DCHS2: variants seen among roughly 807,000 people sequenced by gnomAD.
DCHS2 encodes dachsous cadherin-related 2.
DCHS2 carries 142 observed loss-of-function variants against 182.4 expected under a neutral mutation model. The observed-to-expected ratio is 0.78, with a 90% CI of 0.68 to 0.89. The LOEUF is 0.89. Ranked by LOEUF, DCHS2 falls within the 40% of genes least tolerant of loss-of-function variation. DCHS2 has a pLI of 0.00. For missense variants in DCHS2, 4,319 were observed against 4,198.6 expected (o/e 1.03, Z -0.79); for synonymous variants, 1,740 against 1,663.3 (o/e 1.05, Z -1.12).
chr4:154,389,998 C>T (rs946018049), intron 1 of DCHS2, among the ~76,000 whole-genome samples: 3 of 152,086 alleles, frequency 2.0e-5, no homozygotes, highest in Non-Finnish European at 4.4e-5. Context: ...AGCTGATCCA[C>T]GGACTGGCAC....
intron 13 of DCHS2, among the ~76,000 whole-genome samples, chr4:154,295,664 G>A (rs1734895223): frequency 6.6e-6 from 1 of 152,192 alleles, no homozygotes; most frequent in African/African-American, 2.4e-5. Flanking sequence ...ATTTGGGACA[G>A]AAAGATAACA....
Position 154,232,414 on chromosome 4 carries a change from A to ATGTCT in DCHS2, c.*2117_*2121dup, listed in dbSNP as rs1185588550. The ATGTCT allele has an allele frequency of 6.6e-6, 1 of 152,152 alleles. No homozygotes were observed. Among genetic ancestry groups the ATGTCT allele is most frequent in the Non-Finnish European group, 1.5e-5 (1 of 68,022 alleles). 9.4% of individuals were successfully genotyped at this position (152,152 alleles called of 1,614,324 possible). On this transcript the variant is annotated 3_prime_UTR_variant, in exon 20 of 20. Transcript: ENST00000357232. ...AATATTGGTAAAAAAGCTCTATTAC[A>ATGTCT]TGTCTTCTCTTGTTATGCAATGGCT...
intron 13 of DCHS2, among the ~76,000 whole-genome samples, chr4:154,290,367 CA>C (rs1193507790): frequency 2.0e-5 from 3 of 152,070 alleles, no homozygotes; most frequent in Non-Finnish European, 4.4e-5. Flanking sequence ...TCCATACTAT[CA>C]AAAGCAACCT....
At chr4:154,365,401 C>T (rs17031516) in intron 3 of DCHS2, among the ~76,000 whole-genome samples, 4,447 of 152,170 alleles carry the variant, frequency 0.029, 213 homozygotes, top group African/African-American at 0.099. Flanking sequence ...ACTGGCCAAC[C>T]GTTTCTACAT....
rs1202040689 is a variant in DCHS2 at position 154,490,973 on chromosome 4, G to T, written c.383C>A (p.Ala128Glu). Reference protein sequence around the residue: ...VHPDTGIIRTARRLDRERRDH... With the variant: ...VHPDTGIIRTERRLDRERRDH... ...CCGCCGCTCGCGGTCCAGGCGCCGCGCAGTGCGGATGATGCCGGTGTCCGG... is the reference window on the plus strand; with the variant it reads ...CCGCCGCTCGCGGTCCAGGCGCCGCTCAGTGCGGATGATGCCGGTGTCCGG... Residue 128 changes from alanine to glutamate, a missense_variant, in exon 1 of 20, where the codon GCG becomes GAG. Physicochemically the swap from Ala to Glu is moderately radical, Grantham distance 107 (BLOSUM62 -1). Coordinates refer to ENST00000357232, the MANE Select transcript of DCHS2 (RefSeq NM_001358235.2). 3.9e-6 allele frequency: 6 copies of T among 1,550,376 alleles called. No homozygotes were observed. The highest frequency in any genetic ancestry group is 5.2e-6 in the Non-Finnish European group (6 of 1,146,338).
intron 1 of DCHS2, among the ~76,000 whole-genome samples, chr4:154,423,018 T>C (rs1211989871): frequency 2.0e-5 from 3 of 152,364 alleles, no homozygotes; most frequent in East Asian, 3.9e-4. Context: ...TAAAATTTTA[T>C]GATATGTGAA....
intron 1 of DCHS2, among the ~76,000 whole-genome samples, chr4:154,450,235 A>G (rs923294926): frequency 6.6e-6 from 1 of 152,160 alleles, no homozygotes; most frequent in Non-Finnish European, 1.5e-5. Context: ...CAGTCTCCCA[A>G]AGTTATAAGT....
intron 7 of DCHS2, chr4:154,323,014 A>T: frequency 1.8e-6 from 1 of 557,982 alleles, no homozygotes; most frequent in Non-Finnish European, 3.0e-6. Flanking sequence ...TTACATTAAG[A>T]TCAAAATAAA....
intron 15 of DCHS2, among the ~76,000 whole-genome samples, chr4:154,258,818 C>T (rs1397907208): frequency 6.6e-6 from 1 of 152,218 alleles, no homozygotes; most frequent in Non-Finnish European, 1.5e-5. Flanking sequence ...GTGCTGACCA[C>T]AGCCATGACA....
intron 2 of DCHS2, chr4:154,373,993 T>C: frequency 7.5e-7 from 1 of 1,328,990 alleles, no homozygotes; most frequent in Non-Finnish European, 1.0e-6. Flanking sequence ...GAGGTGGATA[T>C]TTTAATAGCA....
At chr4:154,440,804 A>G (rs549334171) in intron 1 of DCHS2, among the ~76,000 whole-genome samples, 2 of 152,230 alleles carry the variant, frequency 1.3e-5, no homozygotes, top group African/African-American at 2.4e-5. Flanking sequence ...AAGAAGATAT[A>G]AAGAGAGGCA....
intron 16 of DCHS2, 21 bp downstream of exon 16, chr4:154,255,498 G>A (rs1349018971): frequency 6.2e-7 from 1 of 1,602,434 alleles, no homozygotes; most frequent in East Asian, 2.2e-5. Flanking sequence ...TGGAGCCAAT[G>A]GATCTGAACC....
At chr4:154,459,942 G>A (rs908658026) in intron 1 of DCHS2, among the ~76,000 whole-genome samples, 102 of 151,582 alleles carry the variant, frequency 6.7e-4, no homozygotes, top group African/African-American at 2.3e-3. Context: ...AATCTGCCAG[G>A]CCACCAATTC....
chr4:154,404,777 A>T (rs763775591), intron 1 of DCHS2, among the ~76,000 whole-genome samples: 2 of 152,176 alleles, frequency 1.3e-5, no homozygotes, highest in Non-Finnish European at 2.9e-5. Flanking sequence ...ATCTTCCTTT[A>T]TCTGTGGTAA....
intron 1 of DCHS2, among the ~76,000 whole-genome samples, chr4:154,427,796 T>C (rs1733392842): frequency 1.3e-5 from 2 of 152,294 alleles, no homozygotes; most frequent in South Asian, 4.1e-4. Flanking sequence ...CAGAGAGACC[T>C]GGGGAAAAGC....
At chr4:154,451,397 A>G (rs1734528130) in intron 1 of DCHS2, among the ~76,000 whole-genome samples, 1 of 152,194 alleles carries the variant, frequency 6.6e-6, no homozygotes, top group Non-Finnish European at 1.5e-5. Context: ...TCCAAGATAT[A>G]AAGTTGGGTG....
intron 16 of DCHS2, among the ~76,000 whole-genome samples, chr4:154,254,428 G>GAGTT (rs1732545474): frequency 6.6e-6 from 1 of 152,174 alleles, no homozygotes; most frequent in African/African-American, 2.4e-5. Flanking sequence ...TCGGCACATA[G>GAGTT]AGTTATGCCT....
intron 10 of DCHS2, among the ~76,000 whole-genome samples, chr4:154,313,635 G>GA (rs532689083): frequency 6.7e-6 from 1 of 149,634 alleles, no homozygotes; most frequent in Non-Finnish European, 1.5e-5. Flanking sequence ...AATCAAAAAA[G>GA]AAAAAAAAAG....
At chr4:154,285,547 T>C (rs1734355507) in intron 13 of DCHS2, among the ~76,000 whole-genome samples, 1 of 152,146 alleles carries the variant, frequency 6.6e-6, no homozygotes, top group African/African-American at 2.4e-5. Context: ...CATCACAAGC[T>C]GAGTAAAGAT....
Sources: allele counts gnomAD v4.1 joint callset (sites outside exome capture counted in the v4.1 genomes callset), GRCh38; gene constraint gnomAD v4.1.1; transcripts MANE v1.5; gene names NCBI Gene and HGNC (gene_info 2026-07-23, HGNC 2026-07-21).